CES1: variants seen among roughly 807,000 people sequenced by gnomAD.
CES1 encodes liver carboxylesterase 1.
A neutral mutation model predicts 53.0 loss-of-function variants in CES1; 50 were observed. The observed-to-expected ratio is 0.94, with a 90% CI of 0.75 to 1.19. CES1 has a LOEUF of 1.19. Among genes scored for constraint, CES1 ranks in the 50% most tolerant of loss-of-function variants. CES1 has a pLI of 0.00. For missense variants in CES1, 534 were observed against 538.0 expected, an observed-to-expected ratio of 0.99 and a Z score of 0.07; for synonymous variants, 202 against 210.1, an observed-to-expected ratio of 0.96 and a Z score of 0.33.
chr16:55,812,990 A>G lies in CES1; in HGVS notation c.999T>C (p.Pro333=). 1.9e-6 allele frequency: 3 copies of G among 1,614,032 alleles called. No homozygotes were observed. Among genetic ancestry groups the G allele is most frequent in the South Asian group, 1.1e-5 (1 of 91,074 alleles). The part of the protein sequence containing the change: ...VIDGMLLLKT[P]EELQAERNFH... ...AATTCCTTTCAGCTTGAAGCTCTTC[A>G]GGTGTTTTCAGCAGCAGCATCCCAT... The change falls in exon 9 of 14, where the codon CCT becomes CCC. Residue 333 remains proline (P), a synonymous_variant. Transcript: ENST00000360526.
intron 1 of CES1, among the ~76,000 whole-genome samples, chr16:55,829,380 A>G (rs1400168583): frequency 1.3e-5 from 2 of 152,242 alleles, no homozygotes; most frequent in Non-Finnish European, 2.9e-5. Flanking sequence ...AGGGTCACAT[A>G]TACACCTGGG....
intron 6 of CES1, 61 bp from the exon 7 acceptor site, chr16:55,819,700 G>A (rs1187938585): frequency 7.1e-7 from 1 of 1,400,474 alleles, no homozygotes. Flanking sequence ...CCATCAAAGA[G>A]GAAAGTGGCA....
rs1472920951 is a variant in CES1 at position 55,821,500 on chromosome 16, C to A, written c.561G>T (p.Arg187=). 1.2e-6 allele frequency: 2 copies of A among 1,614,084 alleles called. No individual in the cohort carries two copies. Among genetic ancestry groups the A allele is most frequent in the Non-Finnish European group, 1.7e-6 (2 of 1,180,052 alleles). Residue 187 remains arginine, a synonymous_variant, in exon 5 of 14, where the codon CGG becomes CGT. Coordinates refer to ENST00000360526, the MANE Select transcript of CES1 (RefSeq NM_001025195.2). ...GFFSTGDEHS[R]GNWGHLDQVA... is the part of the protein sequence containing the mutation. ...CCTGGTCCAGGTGACCCCAGTTCCC[C>A]CGGCTGTGTTCATCCCCTGTGCTGT...
intron 6 of CES1, chr16:55,820,112 T>C (rs2032110853): frequency 3.4e-6 from 2 of 588,300 alleles, no homozygotes; most frequent in Non-Finnish European, 6.2e-6. Context: ...GCTAGGGCCA[T>C]GAGCTGGAGT....
At chr16:55,816,481 G>T (rs2031950553) in intron 8 of CES1, among the ~76,000 whole-genome samples, 1 of 152,228 alleles carries the variant, frequency 6.6e-6, no homozygotes. Flanking sequence ...GGGATGAGGA[G>T]ATTGGGAGAA....
chr16:55,816,096 A>T (rs1416059693), intron 8 of CES1, among the ~76,000 whole-genome samples: 1 of 152,276 alleles, frequency 6.6e-6, no homozygotes, highest in Non-Finnish European at 1.5e-5. Context: ...CCACCTTCTC[A>T]TTGAACCATT....
At chr16:55,811,945 G>A (rs1211261003) in intron 9 of CES1, among the ~76,000 whole-genome samples, 2 of 152,190 alleles carry the variant, frequency 1.3e-5, no homozygotes, top group Non-Finnish European at 2.9e-5. Context: ...GATAAGAGGA[G>A]TTTGTTTCTG....
At chr16:55,819,924 G>A in intron 6 of CES1, 1 of 576,742 alleles carries the variant, frequency 1.7e-6, no homozygotes, top group African/African-American at 1.9e-5. Flanking sequence ...ATGTGAGGTG[G>A]AGCTGGGATA....
At chr16:55,830,836 A>G (rs1186263729) in intron 1 of CES1, among the ~76,000 whole-genome samples, 1 of 151,978 alleles carries the variant, frequency 6.6e-6, no homozygotes, top group Non-Finnish European at 1.5e-5. Flanking sequence ...GCAGGCAGGC[A>G]GGCAGGCAGG....
chr16:55,825,154 G>A (rs1317311786), intron 3 of CES1, among the ~76,000 whole-genome samples: 1 of 151,492 alleles, frequency 6.6e-6, no homozygotes, highest in African/African-American at 2.4e-5. Context: ...TGTGTATATG[G>A]GGCACTGAGT....
chr16:55,823,860 T>C (rs1439866447), intron 3 of CES1, among the ~76,000 whole-genome samples, 177 bp from the exon 4 acceptor site: 1 of 152,294 alleles, frequency 6.6e-6, no homozygotes. Context: ...TTCTCCCAAC[T>C]GGGACCCAAG....
In CES1 at chr16:55,811,058, G is replaced by T. The variant is rs746377531; in HGVS notation, c.1087-48C>A. On this transcript the variant is annotated intron_variant, in intron 9 of 13. Transcript: ENST00000360526. Reference sequence around the variant, plus strand: ...CATTTATGAATCATTGGGAATTAATGATAAGAAACAAACTGACCAACCAAC... The same window carrying T: ...CATTTATGAATCATTGGGAATTAATTATAAGAAACAAACTGACCAACCAAC... 19 of 1,489,026 alleles carry T rather than the reference G, an allele frequency of 1.3e-5. No individual in the cohort carries two copies. In the Admixed American group the frequency reaches 3.2e-4, roughly 25 times the overall value. 92.2% of individuals were successfully genotyped at this position (1,489,026 alleles called of 1,614,324 possible). A position where few individuals can be genotyped will look rare whatever the true frequency, so the allele number is the denominator to read the frequency against.
At chr16:55,821,074 A>G (rs116055085) in intron 5 of CES1, among the ~76,000 whole-genome samples, 1 of 149,850 alleles carries the variant, frequency 6.7e-6, no homozygotes, top group African/African-American at 2.4e-5. Context: ...GAGAGAGAGA[A>G]AGAGAGAGAG....
intron 8 of CES1, among the ~76,000 whole-genome samples, chr16:55,815,416 C>A (rs866399769): frequency 2.6e-5 from 4 of 152,164 alleles, no homozygotes; most frequent in African/African-American, 7.2e-5. Flanking sequence ...GTAGAAGAGG[C>A]TAAAAGTTGA....
At chr16:55,820,165 T>C in intron 6 of CES1, 1 of 576,724 alleles carries the variant, frequency 1.7e-6, no homozygotes, top group South Asian at 2.0e-5. Flanking sequence ...GCAAATCCCT[T>C]CCAAGCCCTG....
At chr16:55,825,069 A>T (rs2032362895) in intron 3 of CES1, among the ~76,000 whole-genome samples, 1 of 152,204 alleles carries the variant, frequency 6.6e-6, no homozygotes, top group African/African-American at 2.4e-5. Context: ...ACAGCCCAGA[A>T]GGCAAGATCC....
intron 7 of CES1, 65 bp from the exon 8 acceptor site, chr16:55,817,027 T>C (rs1597075016): frequency 6.4e-7 from 1 of 1,563,760 alleles, no homozygotes; most frequent in East Asian, 2.2e-5. Context: ...GCTGGGTGAG[T>C]GGGGCAACAG....
chr16:55,811,788 C>T (rs1311068189), intron 9 of CES1, among the ~76,000 whole-genome samples: 1 of 152,184 alleles, frequency 6.6e-6, no homozygotes, highest in Non-Finnish European at 1.5e-5. Context: ...CCACCCAACC[C>T]CATTTCCTTG....
chr16:55,826,128 G>T, intron 3 of CES1, 23 bp downstream of exon 3: 1 of 1,613,914 alleles, frequency 6.2e-7, no homozygotes, highest in South Asian at 1.1e-5. Flanking sequence ...GACACGCCTT[G>T]ACCAGGGGGT....
Sources: allele counts gnomAD v4.1 joint callset (sites outside exome capture counted in the v4.1 genomes callset), GRCh38; gene constraint gnomAD v4.1.1; transcripts MANE v1.5; gene names NCBI Gene and HGNC (gene_info 2026-07-23, HGNC 2026-07-21).